Variants in ATXN7 observed in about 807,000 individuals in gnomAD.
The protein encoded by ATXN7 is ataxin 7.
Under a neutral mutation model 70.5 loss-of-function variants are expected in ATXN7, and 12 were observed. The observed-to-expected ratio is 0.17, with a 90% CI of 0.11 to 0.28. ATXN7 has a LOEUF of 0.28. Among genes scored for constraint, ATXN7 ranks in the 10% least tolerant of loss-of-function variants. The pLI is 1.00. For synonymous variants in ATXN7, 498 were observed against 448.7 expected (o/e 1.11, Z -1.39); for missense variants, 1,256 against 1,131.7 (o/e 1.11, Z -1.58).
intron 12 of ATXN7, among the ~76,000 whole-genome samples, chr3:63,997,454 C>CT (rs1174369886): frequency 6.6e-6 from 1 of 152,150 alleles, no homozygotes; most frequent in Non-Finnish European, 1.5e-5. Flanking sequence ...AGAGAAGTGG[C>CT]TAAGTGGTTG....
At position 63,880,837 on chromosome 3, in the gene ATXN7, C is replaced by T. The variant is rs1166874148; in HGVS notation, c.-111+16679C>T. ...ATTTATTTGTGTAAAGGTTTTATGG[C>T]TTTCTTTCCTACTAGAAGTAAACAC... is the stretch of plus-strand genomic sequence containing the variant. On this transcript the variant is annotated intron_variant, in intron 1 of 12. Coordinates refer to ENST00000674280, the MANE Select transcript of ATXN7 (RefSeq NM_001377405.1). 5.3e-5 allele frequency among the ~76,000 whole-genome samples: 8 copies of T among 152,318 alleles called. No homozygotes were observed. In the East Asian group the frequency reaches 1.5e-3, roughly 29 times the overall value.
At chr3:63,916,223 C>T (rs1290651802) in intron 4 of ATXN7, among the ~76,000 whole-genome samples, 9 of 152,178 alleles carry the variant, frequency 5.9e-5, no homozygotes. Flanking sequence ...ACTCAGTACA[C>T]ACTAATTCCT....
chr3:63,873,293 G>A (rs1326616938), intron 1 of ATXN7, among the ~76,000 whole-genome samples: 1 of 152,154 alleles, frequency 6.6e-6, no homozygotes, highest in Non-Finnish European at 1.5e-5. Context: ...ATTACTGGAG[G>A]GATGTGGTGA....
At position 63,995,194 on chromosome 3, in the gene ATXN7, T is replaced by G. The variant is rs140300843; in HGVS notation, c.1683-311T>G. On this transcript the variant is annotated intron_variant, in intron 11 of 12. Transcript: ENST00000674280. ...GAGCAGAAGCTGGGGTATTGGGTCATGGCATTTTCTCAGAATATAAGGAAG... is the reference window on the plus strand; with the variant it reads ...GAGCAGAAGCTGGGGTATTGGGTCAGGGCATTTTCTCAGAATATAAGGAAG... 4.4e-4 allele frequency among the ~76,000 whole-genome samples: 66 copies of G among 150,836 alleles called. 1 individual carries two copies. The East Asian group carries it at 0.01, about 23-fold the overall frequency.
chr3:63,907,182 C>T (rs1461921776), intron 2 of ATXN7, among the ~76,000 whole-genome samples: 1 of 152,110 alleles, frequency 6.6e-6, no homozygotes, highest in African/African-American at 2.4e-5. Context: ...GAAATATGCA[C>T]AGAGAGGCTA....
At chr3:63,944,239 T>A (rs1352560232) in intron 4 of ATXN7, among the ~76,000 whole-genome samples, 1 of 152,250 alleles carries the variant, frequency 6.6e-6, no homozygotes, top group Non-Finnish European at 1.5e-5. Flanking sequence ...CTATATATAC[T>A]GTTTTTTCCT....
chr3:63,991,817 C>T (rs2075675919), intron 11 of ATXN7, among the ~76,000 whole-genome samples: 1 of 146,640 alleles, frequency 6.8e-6, no homozygotes, highest in South Asian at 2.2e-4. Flanking sequence ...CTCAGCCTTT[C>T]CTGTAAAAAA....
At chr3:63,865,597 G>A (rs1052920789) in intron 1 of ATXN7, among the ~76,000 whole-genome samples, 3 of 152,086 alleles carry the variant, frequency 2.0e-5, no homozygotes, top group African/African-American at 7.2e-5. Flanking sequence ...TTATTGTTTA[G>A]AAAGTAATTG....
chr3:63,865,658 G>A (rs953031074), intron 1 of ATXN7, among the ~76,000 whole-genome samples: 2 of 151,984 alleles, frequency 1.3e-5, no homozygotes, highest in Non-Finnish European at 2.9e-5. Context: ...TTGGGAGGCC[G>A]AGGCGGGAGG....
intron 8 of ATXN7, among the ~76,000 whole-genome samples, chr3:63,987,307 C>CT (rs993784828): frequency 6.6e-6 from 1 of 152,178 alleles, no homozygotes; most frequent in Admixed American, 6.5e-5. Flanking sequence ...TTTGACTTTT[C>CT]TTTTTCCTCT....
intron 1 of ATXN7, among the ~76,000 whole-genome samples, chr3:63,889,141 G>C (rs2107241054): frequency 6.6e-6 from 1 of 152,226 alleles, no homozygotes; most frequent in African/African-American, 2.4e-5. Flanking sequence ...CGACGTAATA[G>C]CTGATTATAG....
intron 1 of ATXN7, among the ~76,000 whole-genome samples, chr3:63,866,329 CAG>C (rs1475711163): frequency 6.6e-6 from 1 of 152,212 alleles, no homozygotes; most frequent in Non-Finnish European, 1.5e-5. Flanking sequence ...GGGCTCACTG[CAG>C]CCTGGAACTC....
intron 2 of ATXN7, among the ~76,000 whole-genome samples, chr3:63,911,185 C>T (rs1704002244): frequency 6.6e-6 from 1 of 152,124 alleles, no homozygotes; most frequent in Non-Finnish European, 1.5e-5. Flanking sequence ...TTGTCTCAGG[C>T]TTCAAATTTT....
At chr3:63,874,741 T>C (rs139592186) in intron 1 of ATXN7, among the ~76,000 whole-genome samples, 116 of 152,322 alleles carry the variant, frequency 7.6e-4, no homozygotes, top group African/African-American at 2.6e-3. Context: ...GAACTGGAGA[T>C]GGGTAAACTA....
chr3:63,965,498 C>T (rs190783216), intron 5 of ATXN7, among the ~76,000 whole-genome samples: 83 of 152,290 alleles, frequency 5.5e-4, no homozygotes, highest in Non-Finnish European at 9.9e-4. Flanking sequence ...CATGTGTACA[C>T]CATCCAAACC....
At chr3:63,998,573 CTTAAG>C (rs2075796478) in intron 12 of ATXN7, 1 of 985,164 alleles carries the variant, frequency 1.0e-6, no homozygotes, top group Admixed American at 6.1e-5. Context: ...TCAGTTTCCA[CTTAAG>C]TTTGTGTTTG....
At chr3:63,945,559 A>G (rs2074845806) in intron 4 of ATXN7, among the ~76,000 whole-genome samples, 2 of 152,256 alleles carry the variant, frequency 1.3e-5, no homozygotes, top group Non-Finnish European at 2.9e-5. Context: ...CTTCTGACTT[A>G]CGGTGGCATC....
At position 63,914,762 on chromosome 3, in the gene ATXN7, G is replaced by A. The variant is rs555837714; in HGVS notation, c.394+1537G>A. Among the ~76,000 whole-genome samples, 12 of 152,312 alleles carry A rather than the reference G, an allele frequency of 7.9e-5. No homozygotes were observed. The South Asian group carries it at 2.1e-3, about 26-fold the overall frequency. ...ATTAATGTTTCAGTGGGTACCTTGA[G>A]CTGGACAGGGACCCAACCAAATTAA... On this transcript the variant is annotated intron_variant, in intron 4 of 12. Transcript: ENST00000674280.
intron 4 of ATXN7, among the ~76,000 whole-genome samples, chr3:63,926,055 G>A (rs1420060365): frequency 6.6e-6 from 1 of 152,206 alleles, no homozygotes; most frequent in Non-Finnish European, 1.5e-5. Flanking sequence ...ATGATAAATG[G>A]AGGAAGTGGA....
Sources: gnomAD v4.1 joint callset for allele counts (sites outside exome capture counted in the v4.1 genomes callset) on GRCh38, gnomAD v4.1.1 for gene constraint, MANE v1.5 for transcripts, NCBI Gene and HGNC (gene_info 2026-07-23, HGNC 2026-07-21) for gene names.